The following MAD1L1 variants were observed in gnomAD, a reference collection of about 807,000 sequenced individuals.
The protein encoded by MAD1L1 is mitotic arrest deficient 1 like 1.
In MAD1L1, 95 loss-of-function variants were observed where a neutral mutation model predicts 96.9. The ratio of observed to expected loss-of-function variants is 0.98; its 90% CI spans 0.83 to 1.16. The LOEUF (loss-of-function observed/expected upper bound fraction) is 1.16. Ranked by LOEUF, MAD1L1 falls within the 50% of genes most tolerant of loss-of-function variation. The pLI is 0.00. For synonymous variants in MAD1L1, 473 were observed against 396.6 expected (o/e 1.19, Z -2.29); for missense variants, 1,007 against 954.4 (o/e 1.06, Z -0.73).
rs1173820389 is a variant in MAD1L1, at chr7:1,824,625, G to A, written c.1999-8397C>T. Among the ~76,000 whole-genome samples, 4 of 152,310 alleles carry A rather than the reference G, an allele frequency of 2.6e-5. No individual in the cohort carries two copies. In the East Asian group the frequency reaches 5.8e-4, roughly 22 times the overall value. On this transcript the variant is annotated intron_variant, in intron 18 of 18. Transcript: ENST00000265854. ...CCGGAGCCCCCAGGCTTCCCACAGA[G>A]GCTCCCCCACCAGGACCCGCGGGAG...
intron 15 of MAD1L1, among the ~76,000 whole-genome samples, chr7:1,978,118 G>A (rs1006848177): frequency 3.9e-5 from 6 of 152,240 alleles, no homozygotes; most frequent in African/African-American, 1.4e-4. Flanking sequence ...ATGATGACAA[G>A]GTGTGGCCTC....
intron 10 of MAD1L1, among the ~76,000 whole-genome samples, chr7:2,159,399 A>G (rs1789991880): frequency 6.6e-6 from 1 of 151,822 alleles, no homozygotes; most frequent in South Asian, 2.1e-4. Flanking sequence ...CCCCCTCTTC[A>G]CTTGTTTGAG....
chr7:1,973,920 T>C (rs1378321829), intron 15 of MAD1L1, among the ~76,000 whole-genome samples: 2 of 152,178 alleles, frequency 1.3e-5, no homozygotes, highest in Non-Finnish European at 2.9e-5. Flanking sequence ...ACAGGAGCAG[T>C]GCCGGCTGCT....
At chr7:2,158,228 T>C (rs746110064) in intron 10 of MAD1L1, among the ~76,000 whole-genome samples, 4 of 152,220 alleles carry the variant, frequency 2.6e-5, no homozygotes, top group Admixed American at 6.5e-5. Flanking sequence ...GGCCTACTGC[T>C]TTCCTTCCGA....
At chr7:2,207,762 C>T (rs1052420911) in intron 10 of MAD1L1, among the ~76,000 whole-genome samples, 1 of 152,200 alleles carries the variant, frequency 6.6e-6, no homozygotes, top group African/African-American at 2.4e-5. Flanking sequence ...CCTCGTTTAA[C>T]AGCCTGTCAG....
chr7:2,069,149 C>T (rs1295291954), intron 12 of MAD1L1, 45 bp downstream of exon 12: 5 of 1,523,308 alleles, frequency 3.3e-6, no homozygotes, highest in Non-Finnish European at 4.4e-6. Flanking sequence ...TGCACTGACC[C>T]GCAGCTCCCT....
At chr7:1,961,042 G>A (rs117644708) in intron 15 of MAD1L1, among the ~76,000 whole-genome samples, 1,906 of 152,298 alleles carry the variant, frequency 0.013, 18 homozygotes, top group South Asian at 0.023. Flanking sequence ...GAGATGGAAC[G>A]GAACAGGCCA....
At chr7:2,062,283 A>C (rs1408227845) in intron 12 of MAD1L1, among the ~76,000 whole-genome samples, 2 of 138,890 alleles carry the variant, frequency 1.4e-5, no homozygotes, top group Admixed American at 7.4e-5. Flanking sequence ...AAAACAGGGA[A>C]TTGAAGGCCG....
At chr7:2,158,245 A>G (rs1172175255) in intron 10 of MAD1L1, among the ~76,000 whole-genome samples, 1 of 152,212 alleles carries the variant, frequency 6.6e-6, no homozygotes, top group Non-Finnish European at 1.5e-5. Flanking sequence ...CCGAGGCGAG[A>G]GCAGCTCCAG....
chr7:1,970,737 C>T (rs1010296814), intron 15 of MAD1L1, among the ~76,000 whole-genome samples: 6 of 152,154 alleles, frequency 3.9e-5, no homozygotes, highest in African/African-American at 9.7e-5. Flanking sequence ...TGAGACGTGA[C>T]GGTGGCATCT....
At chr7:2,067,175 G>A (rs532983184) in intron 12 of MAD1L1, among the ~76,000 whole-genome samples, 17 of 148,450 alleles carry the variant, frequency 1.1e-4, no homozygotes, top group Admixed American at 9.0e-4. Flanking sequence ...GCAGGCACCC[G>A]GGGTCATCAG....
intron 11 of MAD1L1, among the ~76,000 whole-genome samples, chr7:2,132,556 C>T: frequency 6.6e-6 from 1 of 152,244 alleles, no homozygotes; most frequent in South Asian, 2.1e-4. Context: ...CTGCGCATCC[C>T]TCTTGTCCAT....
In MAD1L1 at chr7:2,119,434, G is replaced by GGGCGCA. The variant is rs1787870138; in HGVS notation, c.1073+29712_1073+29717dup. ...GATGCGATGAGCAGGAGCTGTCGTG[G>GGGCGCA]GGCGCACACTCTCTGTAGCTGGCCA... On this transcript the variant is annotated intron_variant, in intron 11 of 18. Transcript: ENST00000265854. This position sits in a 1 kb window ranked among gnomAD's most constrained non-coding sequence, Gnocchi z 4.6. Among the ~76,000 whole-genome samples the GGGCGCA allele has an allele frequency of 2.0e-5, 3 of 152,244 alleles. No homozygotes were observed. Among genetic ancestry groups the GGGCGCA allele is most frequent in the Admixed American group, 2.0e-4 (3 of 15,292 alleles).
intron 12 of MAD1L1, among the ~76,000 whole-genome samples, chr7:2,032,770 G>A (rs538442281): frequency 5.7e-4 from 87 of 152,294 alleles, no homozygotes; most frequent in African/African-American, 2.0e-3. Context: ...CAAGTGGTGA[G>A]GGGGGTGGCG....
intron 18 of MAD1L1, among the ~76,000 whole-genome samples, chr7:1,824,561 C>A (rs928848617): frequency 6.6e-6 from 1 of 152,172 alleles, no homozygotes; most frequent in African/African-American, 2.4e-5. Flanking sequence ...CCGGCCTTGT[C>A]CCCACCTCGC....
At chr7:1,911,490 T>C (rs1358142804) in intron 17 of MAD1L1, among the ~76,000 whole-genome samples, 9 of 152,158 alleles carry the variant, frequency 5.9e-5, no homozygotes, top group Admixed American at 5.9e-4. Context: ...CCGCTACAAG[T>C]CCACAGTCCT....
chr7:1,944,633 T>G (rs1699073521), intron 16 of MAD1L1, among the ~76,000 whole-genome samples: 1 of 152,128 alleles, frequency 6.6e-6, no homozygotes, highest in Non-Finnish European at 1.5e-5. Context: ...CTGGGAAATG[T>G]GAGGCTGAAG....
intron 11 of MAD1L1, chr7:2,080,044 G>A (rs1001629811): frequency 4.8e-5 from 14 of 291,764 alleles, no homozygotes; most frequent in Non-Finnish European, 8.0e-5. Context: ...CTGCCTGCTC[G>A]CCTAATGCAC....
At chr7:2,074,898 G>C (rs1349661426) in intron 11 of MAD1L1, among the ~76,000 whole-genome samples, 1 of 152,228 alleles carries the variant, frequency 6.6e-6, no homozygotes, top group Non-Finnish European at 1.5e-5. Flanking sequence ...GGCGGTGTCA[G>C]AGCCGGGGAC....
Sources: allele counts gnomAD v4.1 joint callset (sites outside exome capture counted in the v4.1 genomes callset), GRCh38; gene constraint gnomAD v4.1.1; non-coding constraint Gnocchi (gnomAD v3.1); transcripts MANE v1.5; gene names NCBI Gene and HGNC (gene_info 2026-07-23, HGNC 2026-07-21).